RYR3: variants seen among roughly 807,000 people sequenced by gnomAD.
The protein encoded by RYR3 is ryanodine receptor 3.
Under a neutral mutation model 584.3 loss-of-function variants are expected in RYR3, and 207 were observed. The observed-to-expected ratio is 0.35, with a 90% CI of 0.32 to 0.40. The LOEUF (loss-of-function observed/expected upper bound fraction) is 0.40. Ranked by LOEUF, RYR3 falls within the 10% of genes least tolerant of loss-of-function variation. The probability of loss-of-function intolerance (pLI) is 1.00; values close to 1 mark genes in which losing one functional copy is unlikely to be tolerated. For missense variants in RYR3, 5,616 were observed against 6,089.2 expected (o/e 0.92, Z 2.59); for synonymous variants, 2,416 against 2,248.5 (o/e 1.07, Z -2.11).
Position 33,642,595 on chromosome 15 carries a change from G to A in RYR3, c.3557-1716G>A, listed in dbSNP as rs576264419. ...ACATAGCAAAACTGTCTTTCCCAAT[G>A]CGGAGCCTAGGAATTTTACTGGCAA... On this transcript the variant is annotated intron_variant, in intron 27 of 103. Coordinates refer to ENST00000634891, the MANE Select transcript of RYR3 (RefSeq NM_001036.6). Among the ~76,000 whole-genome samples the A allele has an allele frequency of 3.3e-5, 5 of 152,290 alleles. No homozygotes were observed. In the South Asian group the frequency reaches 1.0e-3, roughly 32 times the overall value.
chr15:33,686,949 C>T (rs2065054457), intron 38 of RYR3, among the ~76,000 whole-genome samples: 1 of 152,160 alleles, frequency 6.6e-6, no homozygotes, highest in Admixed American at 6.6e-5. Context: ...CTATGACAAA[C>T]CCACAGCCAA....
chr15:33,802,273 G>C (rs1199322344), intron 69 of RYR3, among the ~76,000 whole-genome samples: 2 of 152,232 alleles, frequency 1.3e-5, no homozygotes, highest in African/African-American at 4.8e-5. Flanking sequence ...ACTTCTTCCT[G>C]TGTAGTGAGG....
rs2073021236 is a variant in RYR3 at position 33,765,934 on chromosome 15, G to A, written c.8706-2724G>A. On this transcript the variant is annotated intron_variant, in intron 60 of 103. Transcript: ENST00000634891. ...TTCCAGATGAAGAAATTGAATTTCA[G>A]TTGGGTTAACTCTACTACCCAAAGT... 2.0e-5 allele frequency among the ~76,000 whole-genome samples: 3 copies of A among 152,138 alleles called. No homozygotes were observed. In the South Asian group the frequency reaches 6.2e-4, roughly 31 times the overall value.
chr15:33,795,844 CT>C (rs1203771197), intron 67 of RYR3, among the ~76,000 whole-genome samples: 1 of 151,950 alleles, frequency 6.6e-6, no homozygotes, highest in Non-Finnish European at 1.5e-5. Flanking sequence ...ACAAGTCTCT[CT>C]TTCTAAAAGG....
intron 1 of RYR3, among the ~76,000 whole-genome samples, chr15:33,354,660 G>A (rs1973717438): frequency 6.6e-6 from 1 of 152,296 alleles, no homozygotes; most frequent in East Asian, 1.9e-4. Context: ...TGGTGTGGGA[G>A]TAGTTTCTCA....
In RYR3 at chr15:33,757,610, A is replaced by G. The variant is rs1290805375; in HGVS notation, c.8705+14A>G. The G allele has an allele frequency of 2.5e-6, 4 of 1,607,492 alleles. No homozygotes were observed. Among genetic ancestry groups the G allele is most frequent in the African/African-American group, 1.3e-5 (1 of 74,788 alleles). ...AATGGTGGCCGGGTGAGTCTACAAG[A>G]TAAAGGGAAGGTGATGGTGCTGATG... is the stretch of plus-strand genomic sequence containing the variant. On this transcript the variant is annotated intron_variant, in intron 60 of 103. Transcript: ENST00000634891.
chr15:33,858,568 C>T (rs2153010345), intron 99 of RYR3: 1 of 71,458 alleles, frequency 1.4e-5, no homozygotes, highest in East Asian at 3.5e-4. Flanking sequence ...GAGCTTTGAT[C>T]ATCGTCTCTC....
chr15:33,651,898 C>T (rs1379384745), intron 31 of RYR3, among the ~76,000 whole-genome samples: 1 of 152,218 alleles, frequency 6.6e-6, no homozygotes, highest in Non-Finnish European at 1.5e-5. Context: ...AATCGGCCAT[C>T]TCTTGCCCAC....
intron 82 of RYR3, 91 bp from the exon 83 acceptor site, chr15:33,826,161 T>C: frequency 8.2e-7 from 1 of 1,224,830 alleles, no homozygotes; most frequent in Non-Finnish European, 1.2e-6. Flanking sequence ...AGGATGGATG[T>C]GTTCACATAG....
At chr15:33,410,748 G>T (rs1296621465) in intron 1 of RYR3, among the ~76,000 whole-genome samples, 1 of 152,208 alleles carries the variant, frequency 6.6e-6, no homozygotes, top group Non-Finnish European at 1.5e-5. Context: ...AGGAACCATG[G>T]ACGCTGTATT....
At chr15:33,590,182 C>A (rs141562978) in intron 16 of RYR3, among the ~76,000 whole-genome samples, 1 of 152,138 alleles carries the variant, frequency 6.6e-6, no homozygotes, top group Non-Finnish European at 1.5e-5. Context: ...GGGGCAGGAA[C>A]AAATCACAAT....
chr15:33,499,089 A>T (rs1451848089), intron 2 of RYR3, among the ~76,000 whole-genome samples: 1 of 151,306 alleles, frequency 6.6e-6, no homozygotes, highest in Non-Finnish European at 1.5e-5. Context: ...TGAAGCCCAA[A>T]CTCCTCCTTG....
chr15:33,831,148 A>G, intron 86 of RYR3, 57 bp downstream of exon 86: 1 of 1,523,012 alleles, frequency 6.6e-7, no homozygotes, highest in African/African-American at 1.4e-5. Flanking sequence ...ATATGCCTGT[A>G]TTCTATATTC....
At chr15:33,639,865 A>T (rs899036363) in intron 27 of RYR3, among the ~76,000 whole-genome samples, 3 of 152,134 alleles carry the variant, frequency 2.0e-5, no homozygotes, top group Non-Finnish European at 4.4e-5. Context: ...CAGTGTTGTC[A>T]CCTAGAAGTA....
chr15:33,802,036 T>G (rs545167328), intron 69 of RYR3, 75 bp downstream of exon 69: 1 of 922,064 alleles, frequency 1.1e-6, no homozygotes, highest in South Asian at 1.3e-5. Flanking sequence ...TTTCATACTT[T>G]CTGGGGATTA....
At chr15:33,823,817 AAAAG>A (rs1468998620) in intron 81 of RYR3, among the ~76,000 whole-genome samples, 1 of 152,226 alleles carries the variant, frequency 6.6e-6, no homozygotes, top group Non-Finnish European at 1.5e-5. Context: ...AGATAATTCT[AAAAG>A]AAATTAAACT....
chr15:33,857,997 T>G (rs1202158456), intron 99 of RYR3, 83 bp downstream of exon 99: 5 of 1,565,446 alleles, frequency 3.2e-6, no homozygotes, highest in African/African-American at 2.7e-5. Context: ...AAGGGCTGTG[T>G]GGGGGTGCTC....
At chr15:33,652,615 A>G (rs1434054750) in intron 31 of RYR3, 103 bp from the exon 32 acceptor site, 1 of 1,207,256 alleles carries the variant, frequency 8.3e-7, no homozygotes, top group Non-Finnish European at 1.2e-6. Flanking sequence ...AAAGCTTCCT[A>G]GGAAAGTTTC....
At chr15:33,462,395 A>G (rs1278577618) in intron 1 of RYR3, among the ~76,000 whole-genome samples, 2 of 152,208 alleles carry the variant, frequency 1.3e-5, no homozygotes, top group Admixed American at 6.5e-5. Context: ...AATCCCAGAA[A>G]GCACCCTGTA....
Sources: allele counts gnomAD v4.1 joint callset (sites outside exome capture counted in the v4.1 genomes callset), GRCh38; gene constraint gnomAD v4.1.1; transcripts MANE v1.5; gene names NCBI Gene and HGNC (gene_info 2026-07-23, HGNC 2026-07-21).